Variants in GABRB1 observed in about 807,000 individuals in gnomAD.
The protein encoded by GABRB1 is gamma-aminobutyric acid type A receptor subunit beta1, also known as gamma-aminobutyric acid receptor subunit beta-1.
A neutral mutation model predicts 51.6 loss-of-function variants in GABRB1; 17 were observed. The observed-to-expected ratio is 0.33, with a 90% CI of 0.23 to 0.49. The LOEUF is 0.49. Among genes scored for constraint, GABRB1 ranks in the 20% least tolerant of loss-of-function variants. The pLI is 0.99. For missense variants in GABRB1, 410 were observed against 600.6 expected (o/e 0.68, Z 3.32); for synonymous variants, 247 against 218.9 (o/e 1.13, Z -1.14).
chr4:47,297,770 C>A (rs1724063583), intron 4 of GABRB1, among the ~76,000 whole-genome samples: 1 of 152,142 alleles, frequency 6.6e-6, no homozygotes, highest in Non-Finnish European at 1.5e-5. Context: ...AGGCCAGCAT[C>A]ATCCTGATAT....
At chr4:47,045,009 G>A (rs1052085281) in intron 3 of GABRB1, among the ~76,000 whole-genome samples, 9 of 151,990 alleles carry the variant, frequency 5.9e-5, no homozygotes, top group Admixed American at 2.0e-4. Context: ...CCCTTTATAT[G>A]AGGAGGAAAT....
chr4:47,125,829 A>G lies in GABRB1; in HGVS notation c.241-35420A>G, dbSNP rs919271270. On this transcript the variant is annotated intron_variant, in intron 3 of 8. Transcript: ENST00000295454. ...CTCGGCCTCCCAAAGTGCTGGGATT[A>G]CAGGCGTGAGCCACCGCGCCCGGCC... Among the ~76,000 whole-genome samples, 66 of 150,238 alleles carry G rather than the reference A, an allele frequency of 4.4e-4. 2 individuals carry two copies. The highest frequency in any genetic ancestry group is 1.5e-3 in the African/African-American group (60 of 41,334).
In GABRB1 at chr4:47,139,891, C is replaced by G. The variant is rs116718387; in HGVS notation, c.241-21358C>G. Among the ~76,000 whole-genome samples, 675 of 152,010 alleles carry G rather than the reference C, an allele frequency of 4.4e-3. 1 individual carries two copies. The highest frequency in any genetic ancestry group is 7.1e-3 in the Non-Finnish European group (482 of 67,938). Reference sequence around the variant, plus strand: ...GGGCCACACTTTTAATAGAAATGTTCTACAGCATTTCACAAAGAATATGAA... The same window carrying G: ...GGGCCACACTTTTAATAGAAATGTTGTACAGCATTTCACAAAGAATATGAA... On this transcript the variant is annotated intron_variant, in intron 3 of 8. Transcript: ENST00000295454.
intron 4 of GABRB1, among the ~76,000 whole-genome samples, chr4:47,267,541 T>G (rs1722685464): frequency 1.3e-5 from 2 of 151,690 alleles, no homozygotes; most frequent in Non-Finnish European, 1.5e-5. Flanking sequence ...ACGCCTGTAA[T>G]CTCAGCACCT....
At chr4:47,297,431 C>CACCA (rs1286274988) in intron 4 of GABRB1, among the ~76,000 whole-genome samples, 1 of 151,388 alleles carries the variant, frequency 6.6e-6, no homozygotes. Flanking sequence ...GGGATATCAC[C>CACCA]ACCAATCCCA....
intron 4 of GABRB1, among the ~76,000 whole-genome samples, chr4:47,165,300 C>T (rs533371289): frequency 6.6e-6 from 1 of 152,126 alleles, no homozygotes; most frequent in South Asian, 2.1e-4. Context: ...CTTTGCTCCC[C>T]CATTTTATCT....
chr4:47,397,558 T>C (rs115477169), intron 5 of GABRB1, among the ~76,000 whole-genome samples: 1 of 152,086 alleles, frequency 6.6e-6, no homozygotes, highest in African/African-American at 2.4e-5. Flanking sequence ...TAGTTGCTTC[T>C]TATTTCTACT....
At chr4:47,054,169 A>G (rs997330918) in intron 3 of GABRB1, among the ~76,000 whole-genome samples, 1 of 151,332 alleles carries the variant, frequency 6.6e-6, no homozygotes, top group Admixed American at 6.6e-5. Context: ...TTTCTGTCAT[A>G]TCTGCATATA....
At chr4:47,193,870 T>A (rs1041555054) in intron 4 of GABRB1, among the ~76,000 whole-genome samples, 5 of 152,226 alleles carry the variant, frequency 3.3e-5, no homozygotes, top group African/African-American at 1.2e-4. Context: ...GATAAGATTA[T>A]GCAAAATGTG....
intron 4 of GABRB1, among the ~76,000 whole-genome samples, chr4:47,297,010 C>T (rs1338382566): frequency 6.6e-6 from 1 of 152,114 alleles, no homozygotes; most frequent in African/African-American, 2.4e-5. Context: ...TGAATGACTA[C>T]TGGGTACATA....
At chr4:47,259,898 G>A (rs528719472) in intron 4 of GABRB1, among the ~76,000 whole-genome samples, 143 of 152,152 alleles carry the variant, frequency 9.4e-4, no homozygotes, top group African/African-American at 2.9e-3. Context: ...TTTCTGTCTC[G>A]TTGATCTGTC....
chr4:47,150,989 T>A (rs1322384687), intron 3 of GABRB1, among the ~76,000 whole-genome samples: 2 of 151,958 alleles, frequency 1.3e-5, no homozygotes, highest in Non-Finnish European at 2.9e-5. Context: ...TGTGGTAAAG[T>A]TGGCATTTGG....
chr4:47,028,728 A>G (rs971770757), upstream of GABRB1, among the ~76,000 whole-genome samples: 1 of 150,598 alleles, frequency 6.6e-6, no homozygotes, highest in Admixed American at 6.7e-5. Flanking sequence ...GTGTATGTGT[A>G]TATATATACA....
At chr4:47,343,158 AT>A (rs1375009242) in intron 5 of GABRB1, among the ~76,000 whole-genome samples, 1 of 151,954 alleles carries the variant, frequency 6.6e-6, no homozygotes, top group African/African-American at 2.4e-5. Flanking sequence ...AAAAAAAAAA[AT>A]GTCTGTTCTG....
chr4:47,191,808 TTAGC>T (rs1304079407), intron 4 of GABRB1, among the ~76,000 whole-genome samples: 1 of 152,008 alleles, frequency 6.6e-6, no homozygotes, highest in East Asian at 1.9e-4. Context: ...ACCAGCAACA[TTAGC>T]TAAACTGAAA....
chr4:47,208,635 A>G (rs1019760464), intron 4 of GABRB1, among the ~76,000 whole-genome samples: 2 of 152,000 alleles, frequency 1.3e-5, no homozygotes, highest in African/African-American at 2.4e-5. Context: ...AAAACAATGG[A>G]TTTTTCTTAG....
intron 3 of GABRB1, among the ~76,000 whole-genome samples, chr4:47,151,577 G>A (rs1332283067): frequency 6.6e-6 from 1 of 151,880 alleles, no homozygotes; most frequent in Non-Finnish European, 1.5e-5. Context: ...GTCCACCTAA[G>A]GATAGTCAGC....
chr4:47,148,387 A>G (rs1717272522), intron 3 of GABRB1, among the ~76,000 whole-genome samples: 1 of 152,032 alleles, frequency 6.6e-6, no homozygotes, highest in African/African-American at 2.4e-5. Context: ...TCTCTTAATA[A>G]GTTTACGCTC....
intron 3 of GABRB1, among the ~76,000 whole-genome samples, chr4:47,056,674 A>G (rs531069954): frequency 6.6e-6 from 1 of 152,288 alleles, no homozygotes; most frequent in East Asian, 1.9e-4. Flanking sequence ...TAACTCACAG[A>G]AGGGCTACAA....
Sources: allele counts gnomAD v4.1 joint callset (sites outside exome capture counted in the v4.1 genomes callset), GRCh38; gene constraint gnomAD v4.1.1; transcripts MANE v1.5; gene names NCBI Gene and HGNC (gene_info 2026-07-23, HGNC 2026-07-21).